Variants in KY observed in about 807,000 individuals in gnomAD.
KY encodes the protein kyphoscoliosis peptidase.
A neutral mutation model predicts 76.1 loss-of-function variants in KY; 43 were observed. The observed-to-expected ratio is 0.57, with a 90% confidence interval of 0.44 to 0.73. The LOEUF (loss-of-function observed/expected upper bound fraction) is 0.73, where lower values mean the gene tolerates loss of function less well. Ranked by LOEUF, KY falls within the 30% of genes least tolerant of loss-of-function variation. The pLI is 0.00. For synonymous variants in KY, 277 were observed against 326.2 expected, an observed-to-expected ratio of 0.85 and a Z score of 1.63; for missense variants, 722 against 828.9, an observed-to-expected ratio of 0.87 and a Z score of 1.58.
intron 3 of KY, among the ~76,000 whole-genome samples, chr3:134,630,139 C>T (rs996803570): frequency 2.6e-5 from 4 of 152,234 alleles, no homozygotes; most frequent in Admixed American, 1.3e-4. Flanking sequence ...AAAAAGAGCA[C>T]ACAAGAGAAA....
chr3:134,606,746 G>A (rs544416925), intron 10 of KY, among the ~76,000 whole-genome samples: 3 of 152,174 alleles, frequency 2.0e-5, no homozygotes, highest in African/African-American at 7.2e-5. Context: ...TGACTGGGAA[G>A]ACTTGAAATA....
intron 8 of KY, among the ~76,000 whole-genome samples, chr3:134,617,588 T>A (rs1423742773): frequency 6.6e-6 from 1 of 152,230 alleles, no homozygotes; most frequent in Non-Finnish European, 1.5e-5. Flanking sequence ...AGTGGTGAGA[T>A]TCAGAGTAAT....
At position 134,607,569 on chromosome 3, in the gene KY, G is replaced by A. The variant is rs576304797; in HGVS notation, c.1090+1080C>T. On this transcript the variant is annotated intron_variant, in intron 10 of 10. Coordinates refer to ENST00000423778, the MANE Select transcript of KY (RefSeq NM_178554.6). ...GACCCGACTTACAGGGCTGTGCAGC[G>A]TGCCCAGGCTGTGTGCCCAGCACTG... The A allele has an allele frequency of 1.8e-4, 173 of 985,588 alleles. No individual in the cohort carries two copies. In the African/African-American group the frequency reaches 2.5e-3, roughly 14 times the overall value. 61.1% of individuals were successfully genotyped at this position (985,588 alleles called of 1,614,324 possible).
At position 134,600,007 on chromosome 3, in the gene KY, A is replaced by G. The variant is rs74725703; in HGVS notation, c.*3572T>C. Among the ~76,000 whole-genome samples, 1,207 of 152,352 alleles carry G rather than the reference A, an allele frequency of 7.9e-3. 24 individuals are homozygous for G. Among genetic ancestry groups the G allele is most frequent in the East Asian group, 0.068 (351 of 5,186 alleles). On this transcript the variant is annotated 3_prime_UTR_variant, in exon 11 of 11. Transcript: ENST00000423778. ...GCATACTCAACAGCCACCGGCCCACACAACTCAATGCACACATTATGAGAA... is the reference window on the plus strand; with the variant it reads ...GCATACTCAACAGCCACCGGCCCACGCAACTCAATGCACACATTATGAGAA...
intron 10 of KY, 151 bp downstream of exon 10, chr3:134,608,498 T>G: frequency 6.4e-7 from 1 of 1,554,052 alleles, no homozygotes; most frequent in Non-Finnish European, 8.7e-7. Flanking sequence ...CCTCCACTCA[T>G]CCACATGCAC....
intron 10 of KY, chr3:134,608,412 G>A (rs1458341524): frequency 3.0e-5 from 45 of 1,484,248 alleles, no homozygotes; most frequent in Non-Finnish European, 3.8e-5. Context: ...GTTTATGCTA[G>A]TGTGAGTGAG....
Position 134,651,005 on chromosome 3 carries a change from G to T in KY, c.-45C>A, listed in dbSNP as rs1966886958. Reference sequence around the variant, plus strand: ...CCTGGGCGCCGCGGCCGCACGCTAGGCTGCTTGCGCTGCAAATGGCCCCGT... The same window carrying T: ...CCTGGGCGCCGCGGCCGCACGCTAGTCTGCTTGCGCTGCAAATGGCCCCGT... On this transcript the variant is annotated 5_prime_UTR_variant, in exon 1 of 11. Coordinates refer to ENST00000423778, the MANE Select transcript of KY (RefSeq NM_178554.6). 1 of 1,610,766 alleles carries T rather than the reference G, an allele frequency of 6.2e-7. No homozygotes were observed. The highest frequency in any genetic ancestry group is 1.3e-5 in the African/African-American group (1 of 74,854).
In KY at chr3:134,603,566, C is replaced by A; in HGVS notation, c.*13G>T. The A allele has an allele frequency of 6.4e-7, 1 of 1,557,220 alleles. No individual in the cohort carries two copies. The highest frequency in any genetic ancestry group is 8.7e-7 in the Non-Finnish European group (1 of 1,147,254). On this transcript the variant is annotated 3_prime_UTR_variant, in exon 11 of 11. Transcript: ENST00000423778. ...CCTTGGCCCTTTGGGAGGGTAAGAC[C>A]GGGGCACAGCCCTCACTGGGCATTC...
At chr3:134,643,424 T>C in intron 2 of KY, 46 bp from the exon 3 acceptor site, 1 of 1,555,372 alleles carries the variant, frequency 6.4e-7, no homozygotes, top group Non-Finnish European at 8.9e-7. Flanking sequence ...CTGGGGAATT[T>C]TCCCCAGGCA....
At chr3:134,629,305 T>G (rs1577717788) in intron 4 of KY, 1 of 339,612 alleles carries the variant, frequency 2.9e-6, no homozygotes, top group African/African-American at 2.0e-5. Flanking sequence ...ACTTAGCATT[T>G]TGCATGCCAC....
intron 8 of KY, among the ~76,000 whole-genome samples, chr3:134,616,036 CG>C (rs773600948): frequency 7.2e-5 from 11 of 152,172 alleles, no homozygotes; most frequent in Non-Finnish European, 1.6e-4. Flanking sequence ...GCCATGCTAA[CG>C]GGAAGAGAAT....
Position 134,644,142 on chromosome 3 carries a change from A to G in KY, c.200-764T>C, listed in dbSNP as rs149483683. ...GCCCGGCCGAGCCTCCTGCTTCTTA[A>G]TGAGAAGAACAGGGGGCCAGCCTGC... On this transcript the variant is annotated intron_variant, in intron 2 of 10. Transcript: ENST00000423778. 5.9e-5 allele frequency among the ~76,000 whole-genome samples: 9 copies of G among 152,180 alleles called. No homozygotes were observed. The East Asian group carries it at 1.5e-3, about 26-fold the overall frequency.
intron 3 of KY, among the ~76,000 whole-genome samples, chr3:134,640,584 G>A (rs568592389): frequency 6.6e-6 from 1 of 152,134 alleles, no homozygotes; most frequent in Non-Finnish European, 1.5e-5. Context: ...GCAGAACAGA[G>A]CCCAAAGGTT....
At chr3:134,649,743 C>T (rs2108057139) in intron 1 of KY, among the ~76,000 whole-genome samples, 1 of 152,338 alleles carries the variant, frequency 6.6e-6, no homozygotes, top group Middle Eastern at 3.4e-3. Flanking sequence ...GGAGGCAGCT[C>T]CAGCCTATGT....
intron 1 of KY, 124 bp downstream of exon 1, chr3:134,650,701 G>A: frequency 2.2e-6 from 2 of 894,112 alleles, no homozygotes; most frequent in Non-Finnish European, 3.2e-6. Context: ...GCAGCCATGG[G>A]GGAGAGGGTC....
At chr3:134,643,257 A>C in intron 3 of KY, 59 bp downstream of exon 3, 1 of 1,537,276 alleles carries the variant, frequency 6.5e-7, no homozygotes, top group South Asian at 1.1e-5. Flanking sequence ...CGCTGGCCAG[A>C]GCATCAGGTC....
At chr3:134,620,648 T>G (rs1489748969) in intron 7 of KY, 101 bp downstream of exon 7, 1 of 811,212 alleles carries the variant, frequency 1.2e-6, no homozygotes, top group Non-Finnish European at 2.1e-6. Flanking sequence ...TCCCCCACCT[T>G]TCATGTCACT....
chr3:134,631,126 G>A (rs1352339044), intron 3 of KY, among the ~76,000 whole-genome samples: 1 of 152,162 alleles, frequency 6.6e-6, no homozygotes, highest in Non-Finnish European at 1.5e-5. Flanking sequence ...CATCATTGAA[G>A]TCTCAGAAGG....
intron 3 of KY, among the ~76,000 whole-genome samples, chr3:134,634,420 ATAAT>A (rs901271399): frequency 1.3e-5 from 2 of 152,258 alleles, no homozygotes; most frequent in African/African-American, 4.8e-5. Context: ...AATAAACAGA[ATAAT>A]AAAAAATAGA....
Sources: gnomAD v4.1 joint callset for allele counts (sites outside exome capture counted in the v4.1 genomes callset) on GRCh38, gnomAD v4.1.1 for gene constraint, MANE v1.5 for transcripts, NCBI Gene and HGNC (gene_info 2026-07-23, HGNC 2026-07-21) for gene names.